Variants in ANXA7 observed in about 807,000 individuals in gnomAD.
The protein encoded by ANXA7 is annexin A7, also known as annexin VII.
In ANXA7, 55 loss-of-function variants were observed where a neutral mutation model predicts 64.9. The ratio of observed to expected loss-of-function variants is 0.85; its 90% CI spans 0.68 to 1.06. The LOEUF is 1.06. Ranked by LOEUF, ANXA7 falls within the 50% of genes least tolerant of loss-of-function variation. ANXA7 has a pLI of 0.00. For missense variants in ANXA7, 548 were observed against 582.1 expected (o/e 0.94, Z 0.60); for synonymous variants, 200 against 192.4 (o/e 1.04, Z -0.33).
At chr10:73,412,477 T>G (rs193124265) in intron 1 of ANXA7, among the ~76,000 whole-genome samples, 1 of 151,782 alleles carries the variant, frequency 6.6e-6, no homozygotes, top group Non-Finnish European at 1.5e-5. Context: ...CCCAAGTGAA[T>G]AGTAAGTCTA....
intron 2 of ANXA7, among the ~76,000 whole-genome samples, chr10:73,399,971 G>A (rs1346729395): frequency 4.6e-5 from 7 of 151,696 alleles, no homozygotes; most frequent in Admixed American, 6.6e-5. Context: ...GTGAAATTCC[G>A]TCTCTACTAA....
intron 1 of ANXA7, among the ~76,000 whole-genome samples, chr10:73,405,414 T>C (rs1354376302): frequency 6.6e-6 from 1 of 151,550 alleles, no homozygotes; most frequent in Non-Finnish European, 1.5e-5. Flanking sequence ...TGGTGGCATG[T>C]GCCTGTAAGC....
At chr10:73,387,501 C>T (rs1412875306) in intron 7 of ANXA7, among the ~76,000 whole-genome samples, 188 bp downstream of exon 7, 1 of 152,046 alleles carries the variant, frequency 6.6e-6, no homozygotes, top group African/African-American at 2.4e-5. Context: ...GATGTTGGTG[C>T]GAGACTTCAT....
chr10:73,376,090 C>T lies in ANXA7; in HGVS notation c.*5G>A. 7 of 1,540,998 alleles carry T rather than the reference C, an allele frequency of 4.5e-6. No homozygotes were observed. Among genetic ancestry groups the T allele is most frequent in the Non-Finnish European group, 6.1e-6 (7 of 1,150,990 alleles). ...TTTTTTTCATTAAAAAAAAAAAAATCCCTCCTACTGGCCCACAATAGCCAG... is the reference window on the plus strand; with the variant it reads ...TTTTTTTCATTAAAAAAAAAAAAATTCCTCCTACTGGCCCACAATAGCCAG... On this transcript the variant is annotated 3_prime_UTR_variant, in exon 13 of 13. Transcript: ENST00000372921.
chr10:73,378,975 T>C lies in ANXA7; in HGVS notation c.1214A>G (p.Tyr405Cys), dbSNP rs747058163. 1.1e-5 allele frequency: 17 copies of C among 1,613,524 alleles called. No individual in the cohort carries two copies. The highest frequency in any genetic ancestry group is 6.7e-5 in the Admixed American group (4 of 59,932). ...ATCTGTGCCAGCACCTTTCATAGCA[T>C]AGTAGAGCCTCTCAGCAAAGAAGGC... ...RPAFFAERLY[Y>C]AMKGAGTDDS... The change falls in exon 12 of 13, where the codon TAT becomes TGT. Residue 405 changes from tyrosine to cysteine, a missense_variant. Coordinates refer to ENST00000372921, the MANE Select transcript of ANXA7 (RefSeq NM_001156.5).
chr10:73,391,337 A>AC (rs1296732985), intron 5 of ANXA7, among the ~76,000 whole-genome samples: 13 of 152,136 alleles, frequency 8.5e-5, no homozygotes, highest in Middle Eastern at 3.4e-3. Context: ...AGAGCTGGGC[A>AC]CAGTGGCTCA....
intron 1 of ANXA7, among the ~76,000 whole-genome samples, chr10:73,407,590 C>T (rs2055778791): frequency 6.6e-6 from 1 of 152,200 alleles, no homozygotes; most frequent in African/African-American, 2.4e-5. Context: ...TGTTTTGGCA[C>T]TTTTCATCAA....
At chr10:73,386,809 G>A (rs529549993) in intron 7 of ANXA7, among the ~76,000 whole-genome samples, 2 of 152,090 alleles carry the variant, frequency 1.3e-5, no homozygotes, top group East Asian at 3.9e-4. Flanking sequence ...CTGGGACTAT[G>A]GACACACGCC....
At chr10:73,378,088 G>C (rs2055213624) in intron 12 of ANXA7, among the ~76,000 whole-genome samples, 1 of 151,476 alleles carries the variant, frequency 6.6e-6, no homozygotes, top group Non-Finnish European at 1.5e-5. Context: ...TCAATTAAAA[G>C]TTCAGGCCAG....
In ANXA7 at chr10:73,407,502, G is replaced by C. The variant is rs567718286; in HGVS notation, c.-2+6510C>G. ...CTTTCAGGTGATATGGATTCTGCAG[G>C]TCTGTGATTCACACTCTGATACCAG... On this transcript the variant is annotated intron_variant, in intron 1 of 12. Transcript: ENST00000372921. Among the ~76,000 whole-genome samples, 13 of 152,234 alleles carry C rather than the reference G, an allele frequency of 8.5e-5. No individual in the cohort carries two copies. In the East Asian group the frequency reaches 2.3e-3, roughly 27 times the overall value.
rs751811147 is a variant in ANXA7, at chr10:73,376,075, TAAA to T, written c.*17_*19del. The T allele has an allele frequency of 2.7e-5, 36 of 1,310,134 alleles. No homozygotes were observed. The highest frequency in any genetic ancestry group is 1.2e-4 in the South Asian group (8 of 66,424). 81.2% of individuals were successfully genotyped at this position (1,310,134 alleles called of 1,614,324 possible). On this transcript the variant is annotated 3_prime_UTR_variant, in exon 13 of 13. Coordinates refer to ENST00000372921, the MANE Select transcript of ANXA7 (RefSeq NM_001156.5). ...GCTATGAATAGAAATTTTTTTTCAT[TAAA>T]AAAAAAAAAATCCCTCCTACTGGCC... is the stretch of plus-strand genomic sequence containing the variant.
At chr10:73,387,844 ATCTT>A in intron 6 of ANXA7, 61 bp from the exon 7 acceptor site, 3 of 957,398 alleles carry the variant, frequency 3.1e-6, no homozygotes, top group Non-Finnish European at 4.6e-6. Flanking sequence ...GCTTGAGGTC[ATCTT>A]TTTTTTTTTT....
At chr10:73,412,287 G>A (rs543430887) in intron 1 of ANXA7, among the ~76,000 whole-genome samples, 1 of 152,076 alleles carries the variant, frequency 6.6e-6, no homozygotes, top group Admixed American at 6.5e-5. Flanking sequence ...CTCCCGCCTA[G>A]GCCTCCCAAA....
chr10:73,395,353 T>A (rs961218672), intron 5 of ANXA7, among the ~76,000 whole-genome samples: 8 of 152,140 alleles, frequency 5.3e-5, no homozygotes, highest in Non-Finnish European at 1.0e-4. Context: ...TAGACATTCA[T>A]GAATATCCAA....
chr10:73,380,301 C>A, intron 9 of ANXA7, 100 bp from the exon 10 acceptor site: 1 of 1,095,096 alleles, frequency 9.1e-7, no homozygotes. Flanking sequence ...GAGACTATTT[C>A]TTTTTTTTTT....
chr10:73,394,448 C>G (rs2055537060), intron 5 of ANXA7, among the ~76,000 whole-genome samples: 1 of 152,178 alleles, frequency 6.6e-6, no homozygotes, highest in African/African-American at 2.4e-5. Context: ...ATAGCAAAGA[C>G]TTGGAACCAA....
chr10:73,375,998 G>A lies in ANXA7; in HGVS notation c.*97C>T, dbSNP rs533707302. Reference sequence around the variant, plus strand: ...ACGGTCCTTGACAGAAAGCTCTTTCGGTTAGCTGATGTTTGATATTGCTGC... The same window carrying A: ...ACGGTCCTTGACAGAAAGCTCTTTCAGTTAGCTGATGTTTGATATTGCTGC... On this transcript the variant is annotated 3_prime_UTR_variant, in exon 13 of 13. Transcript: ENST00000372921. 212 of 1,057,486 alleles carry A rather than the reference G, an allele frequency of 2.0e-4. No individual in the cohort carries two copies. The East Asian group carries it at 3.0e-3, about 15-fold the overall frequency. The allele number at this position is 1,057,486 out of a possible 1,614,324, so 65.5% of individuals were successfully genotyped here. A position where few individuals can be genotyped will look rare whatever the true frequency, so the allele number is the denominator to read the frequency against.
intron 1 of ANXA7, among the ~76,000 whole-genome samples, chr10:73,405,570 G>A (rs939056085): frequency 6.6e-6 from 1 of 152,140 alleles, no homozygotes; most frequent in African/African-American, 2.4e-5. Context: ...AATACTATTA[G>A]TGATCAGATA....
intron 2 of ANXA7, among the ~76,000 whole-genome samples, chr10:73,399,870 A>G (rs2055633480): frequency 6.6e-6 from 1 of 151,278 alleles, no homozygotes; most frequent in Admixed American, 6.6e-5. Flanking sequence ...GGCCAGGCGC[A>G]ATGGCTCATG....
Sources: gnomAD v4.1 joint callset for allele counts (sites outside exome capture counted in the v4.1 genomes callset) on GRCh38, gnomAD v4.1.1 for gene constraint, MANE v1.5 for transcripts, NCBI Gene and HGNC (gene_info 2026-07-23, HGNC 2026-07-21) for gene names.